The following ELSPBP1 variants were observed in gnomAD, a reference collection of about 807,000 sequenced individuals.
ELSPBP1 encodes the protein epididymal sperm-binding protein 1.
ELSPBP1 carries 38 observed loss-of-function variants against 33.3 expected under a neutral mutation model. That is an observed-to-expected ratio of 1.14 (90% CI 0.88 to 1.50). The LOEUF is 1.50. Among genes scored for constraint, ELSPBP1 ranks in the 40% most tolerant of loss-of-function variants. ELSPBP1 has a pLI of 0.00. For missense variants in ELSPBP1, 267 were observed against 263.5 expected, an observed-to-expected ratio of 1.01 and a Z score of -0.09; for synonymous variants, 85 against 94.1, an observed-to-expected ratio of 0.90 and a Z score of 0.56.
intron 1 of ELSPBP1, among the ~76,000 whole-genome samples, chr19:48,008,314 C>G (rs1261307180): frequency 6.6e-6 from 1 of 152,132 alleles, no homozygotes; most frequent in Non-Finnish European, 1.5e-5. Context: ...CTCACTGCAG[C>G]CTTGACCTCC....
chr19:48,014,967 G>A (rs965358383), intron 3 of ELSPBP1, among the ~76,000 whole-genome samples: 1 of 152,102 alleles, frequency 6.6e-6, no homozygotes, highest in Non-Finnish European at 1.5e-5. Flanking sequence ...TGTAAGAAAC[G>A]GGATTTGAGG....
chr19:48,014,653 C>A (rs1197167349), intron 3 of ELSPBP1, among the ~76,000 whole-genome samples: 3 of 150,534 alleles, frequency 2.0e-5, no homozygotes, highest in South Asian at 2.1e-4. Context: ...TGCACATGTA[C>A]CCTAAAACTT....
chr19:48,023,497 A>AAGGAGGGC (rs1967232430), intron 6 of ELSPBP1, among the ~76,000 whole-genome samples: 1 of 102,264 alleles, frequency 9.8e-6, no homozygotes, highest in Non-Finnish European at 2.4e-5. Flanking sequence ...GGAGGGAGGG[A>AAGGAGGGC]AGGAAAAGAG....
rs1276178304 is a variant in ELSPBP1, at chr19:48,011,184, G to A, written c.70+2447G>A. On this transcript the variant is annotated intron_variant, in intron 2 of 6. Transcript: ENST00000339841. This position sits in a 1 kb window ranked among gnomAD's most constrained non-coding sequence, Gnocchi z 4.5. ...ATGATGTGATGAGGAGGAAAATAATGATTACAATAATGATGACAATGATGA... is the reference window on the plus strand; with the variant it reads ...ATGATGTGATGAGGAGGAAAATAATAATTACAATAATGATGACAATGATGA... Among the ~76,000 whole-genome samples, 1 of 104,338 alleles carries A rather than the reference G, an allele frequency of 9.6e-6. No homozygotes were observed. The highest frequency in any genetic ancestry group is 2.0e-5 in the Non-Finnish European group (1 of 50,484). The allele number at this position is 104,338 out of a possible 152,430, so 68.4% of individuals were successfully genotyped here.
At chr19:48,018,439 G>C (rs188870136) in intron 4 of ELSPBP1, among the ~76,000 whole-genome samples, 4 of 152,200 alleles carry the variant, frequency 2.6e-5, no homozygotes, top group African/African-American at 9.6e-5. Context: ...GACCCGAGTT[G>C]GAATTCTGTT....
intron 6 of ELSPBP1, among the ~76,000 whole-genome samples, chr19:48,023,558 G>A (rs1355464777): frequency 1.5e-4 from 8 of 54,704 alleles, no homozygotes; most frequent in Non-Finnish European, 3.8e-4. Flanking sequence ...AAAAGGGAAG[G>A]GAAAGGAAGG....
At chr19:48,004,452 C>T (rs73055761) in intron 1 of ELSPBP1, among the ~76,000 whole-genome samples, 7,059 of 152,302 alleles carry the variant, frequency 0.046, 243 homozygotes, top group Non-Finnish European at 0.072. Flanking sequence ...CCACTGTGCC[C>T]AGCCTGGGCC....
chr19:48,018,884 T>A (rs73567213), intron 4 of ELSPBP1, among the ~76,000 whole-genome samples: 14,262 of 152,182 alleles, frequency 0.094, 835 homozygotes, highest in African/African-American at 0.17. Context: ...CTGGGCGTGG[T>A]GGCTCATGCC....
Position 48,022,343 on chromosome 19 carries a change from A to AACAGTG in ELSPBP1, c.*7+9_*7+10insACAGTG. 6.3e-7 allele frequency: 1 copy of AACAGTG among 1,593,432 alleles called. No individual in the cohort carries two copies. The highest frequency in any genetic ancestry group is 8.5e-7 in the Non-Finnish European group (1 of 1,171,008). ...GTATTGCTGATGCTGAGGTGAGAGC[A>AACAGTG]GGGACCAACAGTGGTCATTTCACGG... On this transcript the variant is annotated intron_variant, in intron 6 of 6. Coordinates refer to ENST00000339841, the MANE Select transcript of ELSPBP1 (RefSeq NM_022142.5).
In ELSPBP1 at chr19:48,011,091, T is replaced by C. The variant is rs755335204; in HGVS notation, c.70+2354T>C. 7.2e-5 allele frequency among the ~76,000 whole-genome samples: 11 copies of C among 151,908 alleles called. No individual in the cohort carries two copies. The highest frequency in any genetic ancestry group is 1.6e-4 in the Non-Finnish European group (11 of 67,996). ...ATGATGACGGTAATGATGACAACAA[T>C]AATAGCGACAATGACAATGATGATG... On this transcript the variant is annotated intron_variant, in intron 2 of 6. Transcript: ENST00000339841. The surrounding 1 kb of genome is among the most constrained non-coding windows in gnomAD (Gnocchi z 4.5).
intron 1 of ELSPBP1, among the ~76,000 whole-genome samples, chr19:47,997,485 T>A (rs1035102782): frequency 2.0e-5 from 3 of 152,238 alleles, no homozygotes; most frequent in African/African-American, 7.2e-5. Context: ...ATACACATTA[T>A]GTATGTGCAT....
intron 1 of ELSPBP1, among the ~76,000 whole-genome samples, chr19:48,003,305 CTT>C (rs1179147367): frequency 6.6e-6 from 1 of 151,436 alleles, no homozygotes; most frequent in African/African-American, 2.4e-5. Flanking sequence ...GCACAGAACT[CTT>C]TATTGCACAA....
chr19:48,000,430 G>A (rs747174586), intron 1 of ELSPBP1, among the ~76,000 whole-genome samples: 6 of 151,964 alleles, frequency 3.9e-5, no homozygotes, highest in Admixed American at 3.3e-4. Flanking sequence ...TAGTAGAGAC[G>A]TGGTTTCACT....
intron 1 of ELSPBP1, among the ~76,000 whole-genome samples, chr19:47,999,363 C>A (rs1966944021): frequency 6.6e-6 from 1 of 151,302 alleles, no homozygotes. Flanking sequence ...AACTTGTCAC[C>A]ACCCCATACT....
chr19:48,002,381 G>A (rs559194626), intron 1 of ELSPBP1, among the ~76,000 whole-genome samples: 1 of 152,326 alleles, frequency 6.6e-6, no homozygotes, highest in African/African-American at 2.4e-5. Flanking sequence ...CAATTAAGGT[G>A]TAGGAATTGG....
At chr19:48,008,304 C>T (rs1276836829) in intron 1 of ELSPBP1, among the ~76,000 whole-genome samples, 1 of 152,136 alleles carries the variant, frequency 6.6e-6, no homozygotes, top group African/African-American at 2.4e-5. Flanking sequence ...ACAATCATAG[C>T]TCACTGCAGC....
intron 3 of ELSPBP1, among the ~76,000 whole-genome samples, chr19:48,014,745 T>C (rs887509480): frequency 2.0e-5 from 3 of 147,284 alleles, no homozygotes; most frequent in African/African-American, 5.1e-5. Context: ...GTTTTTAATT[T>C]CCACAAATAA....
At chr19:48,014,889 C>A (rs1967115297) in intron 3 of ELSPBP1, among the ~76,000 whole-genome samples, 1 of 151,946 alleles carries the variant, frequency 6.6e-6, no homozygotes, top group African/African-American at 2.4e-5. Flanking sequence ...ACTAGTTGAC[C>A]CAATAGAACC....
chr19:48,025,104 TAG>T lies in ELSPBP1; in HGVS notation c.*166_*167del, dbSNP rs1012786108. ...ATCAGCTGGTCCTTTGTGAAGAACG[TAG>T]AGAGAATGCGGCATAACCACCAATA... On this transcript the variant is annotated 3_prime_UTR_variant, in exon 7 of 7. Transcript: ENST00000339841. 5 of 152,196 alleles carry T rather than the reference TAG, an allele frequency of 3.3e-5. No individual in the cohort carries two copies. Among genetic ancestry groups the T allele is most frequent in the Admixed American group, 3.3e-4 (5 of 15,278 alleles). 9.4% of individuals were successfully genotyped at this position (152,196 alleles called of 1,614,324 possible).
Sources: allele counts gnomAD v4.1 joint callset (sites outside exome capture counted in the v4.1 genomes callset), GRCh38; gene constraint gnomAD v4.1.1; non-coding constraint Gnocchi (gnomAD v3.1); transcripts MANE v1.5; gene names NCBI Gene and HGNC (gene_info 2026-07-23, HGNC 2026-07-21).